Variants in STAG1 observed in about 807,000 individuals in gnomAD.
STAG1 encodes the protein STAG1 cohesin complex component.
A neutral mutation model predicts 170.9 loss-of-function variants in STAG1; 26 were observed. That is an observed-to-expected ratio of 0.15 (90% CI 0.11 to 0.21). The LOEUF is 0.21. Ranked by LOEUF, STAG1 falls within the 10% of genes least tolerant of loss-of-function variation. The probability of loss-of-function intolerance (pLI) is 1.00; values close to 1 mark genes in which losing one functional copy is unlikely to be tolerated. For synonymous variants in STAG1, 514 were observed against 497.7 expected (o/e 1.03, Z -0.44); for missense variants, 964 against 1,509.5 (o/e 0.64, Z 5.99).
At chr3:136,743,990 A>AT (rs1934807223) in intron 1 of STAG1, among the ~76,000 whole-genome samples, 1 of 152,246 alleles carries the variant, frequency 6.6e-6, no homozygotes, top group South Asian at 2.1e-4. Flanking sequence ...GCTACTGCAA[A>AT]TAAGGCTACT....
chr3:136,700,867 AT>A (rs1030124272), intron 1 of STAG1, among the ~76,000 whole-genome samples: 16 of 114,884 alleles, frequency 1.4e-4, no homozygotes, highest in Admixed American at 6.5e-4. Context: ...TGTGTGCTCT[AT>A]TTTTTTTCTT....
intron 1 of STAG1, among the ~76,000 whole-genome samples, chr3:136,719,131 G>T (rs1933049709): frequency 6.6e-6 from 1 of 152,130 alleles, no homozygotes; most frequent in South Asian, 2.1e-4. Context: ...ACAGCCAAAT[G>T]TTTGAAACTC....
intron 3 of STAG1, among the ~76,000 whole-genome samples, chr3:136,604,893 G>A (rs962020785): frequency 2.0e-5 from 3 of 151,960 alleles, no homozygotes; most frequent in African/African-American, 4.8e-5. Flanking sequence ...CAAATGATTC[G>A]CCCACCTTGG....
intron 4 of STAG1, among the ~76,000 whole-genome samples, chr3:136,570,132 C>A (rs891026812): frequency 1.3e-5 from 2 of 152,104 alleles, no homozygotes; most frequent in African/African-American, 2.4e-5. Flanking sequence ...AATACATACA[C>A]CTGTGTAACC....
At chr3:136,723,025 G>A (rs1327728493) in intron 1 of STAG1, among the ~76,000 whole-genome samples, 4 of 152,310 alleles carry the variant, frequency 2.6e-5, no homozygotes, top group Admixed American at 1.3e-4. Flanking sequence ...GTGCAGTGGC[G>A]TGATCTCCGC....
intron 1 of STAG1, among the ~76,000 whole-genome samples, chr3:136,715,214 T>C (rs995924630): frequency 1.3e-5 from 2 of 149,732 alleles, no homozygotes; most frequent in African/African-American, 4.9e-5. Context: ...GGTCTTGCTA[T>C]GTTACTCAAG....
chr3:136,428,538 C>A (rs997955670), intron 16 of STAG1, among the ~76,000 whole-genome samples: 4 of 152,112 alleles, frequency 2.6e-5, no homozygotes. Context: ...GTCCATAGAA[C>A]CCTTAAAGGT....
At chr3:136,473,497 T>C (rs748450061) in intron 11 of STAG1, 42 bp downstream of exon 11, 10 of 1,448,310 alleles carry the variant, frequency 6.9e-6, no homozygotes, top group South Asian at 1.2e-5. Context: ...CTAGCATTTG[T>C]AAAGAGAAAA....
chr3:136,523,816 T>G (rs1934830336), intron 6 of STAG1, among the ~76,000 whole-genome samples: 1 of 152,204 alleles, frequency 6.6e-6, no homozygotes, highest in Admixed American at 6.5e-5. Flanking sequence ...TACATGTGGC[T>G]AGCCAGTTTT....
chr3:136,338,547 T>C (rs1935801935), intron 32 of STAG1, 97 bp from the exon 33 acceptor site: 7 of 849,550 alleles, frequency 8.2e-6, no homozygotes, highest in Admixed American at 4.4e-5. Flanking sequence ...CATAAATATA[T>C]GGAACTGCTA....
chr3:136,430,021 A>G (rs1179635482), intron 16 of STAG1: 1 of 152,204 alleles, frequency 6.6e-6, no homozygotes, highest in Non-Finnish European at 1.5e-5. Context: ...TTGGTAGGCT[A>G]TAGTAGTTAA....
At chr3:136,486,074 G>A (rs957014856) in intron 9 of STAG1, among the ~76,000 whole-genome samples, 1 of 152,132 alleles carries the variant, frequency 6.6e-6, no homozygotes, top group African/African-American at 2.4e-5. Flanking sequence ...AATTGATTCA[G>A]TGAGTGGCAA....
At chr3:136,461,934 G>A (rs1246869663) in intron 13 of STAG1, among the ~76,000 whole-genome samples, 1 of 152,144 alleles carries the variant, frequency 6.6e-6, no homozygotes, top group Admixed American at 6.5e-5. Flanking sequence ...TGGCCAACTG[G>A]TATACAAAAA....
At chr3:136,478,185 A>G (rs1390065987) in intron 9 of STAG1, among the ~76,000 whole-genome samples, 1 of 152,160 alleles carries the variant, frequency 6.6e-6, no homozygotes, top group Non-Finnish European at 1.5e-5. Context: ...GTAATAATAT[A>G]TTTTTTAGGC....
chr3:136,617,162 C>T (rs929880845), intron 3 of STAG1, among the ~76,000 whole-genome samples: 35 of 152,202 alleles, frequency 2.3e-4, no homozygotes, highest in African/African-American at 5.8e-4. Context: ...ATGGCACCAA[C>T]TCTGCAATTG....
chr3:136,657,509 T>C (rs1941427900), intron 1 of STAG1, among the ~76,000 whole-genome samples: 1 of 152,126 alleles, frequency 6.6e-6, no homozygotes, highest in Non-Finnish European at 1.5e-5. Flanking sequence ...AGTTCATATA[T>C]ACTCACATGC....
chr3:136,654,171 GCAAC>G (rs1210794339), intron 1 of STAG1, among the ~76,000 whole-genome samples: 2 of 152,050 alleles, frequency 1.3e-5, no homozygotes, highest in African/African-American at 2.4e-5. Context: ...TAAAATAAAA[GCAAC>G]CAAATTGAAA....
At chr3:136,622,020 G>A (rs931401801) in intron 3 of STAG1, among the ~76,000 whole-genome samples, 15 of 149,448 alleles carry the variant, frequency 1.0e-4, no homozygotes, top group Admixed American at 3.3e-4. Flanking sequence ...AAAGAGGGCT[G>A]GGTGCGGTGC....
chr3:136,707,390 A>G (rs757825356), intron 1 of STAG1, among the ~76,000 whole-genome samples: 2 of 152,206 alleles, frequency 1.3e-5, no homozygotes, highest in African/African-American at 2.4e-5. Context: ...TTGAAAAGAC[A>G]TTTTTCCAAA....
Sources: gnomAD v4.1 joint callset for allele counts (sites outside exome capture counted in the v4.1 genomes callset) on GRCh38, gnomAD v4.1.1 for gene constraint, MANE v1.5 for transcripts, NCBI Gene and HGNC (gene_info 2026-07-23, HGNC 2026-07-21) for gene names.